LY96: variants seen among roughly 807,000 people sequenced by gnomAD.
The protein encoded by LY96 is myeloid differentiation protein-2.
Under a neutral mutation model 18.9 loss-of-function variants are expected in LY96, and 18 were observed. The ratio of observed to expected loss-of-function variants is 0.95; its 90% CI spans 0.66 to 1.41. The LOEUF is 1.41. Ranked by LOEUF, LY96 falls within the 40% of genes most tolerant of loss-of-function variation. LY96 has a pLI of 0.00. For synonymous variants in LY96, 66 were observed against 62.6 expected, an observed-to-expected ratio of 1.06 and a Z score of -0.26; for missense variants, 175 against 182.4, an observed-to-expected ratio of 0.96 and a Z score of 0.23.
chr8:74,034,224 T>C, the LY96 span, among the ~76,000 whole-genome samples: 1 of 151,974 alleles, frequency 6.6e-6, no homozygotes, highest in Non-Finnish European at 1.5e-5. Flanking sequence ...ATACAAAAAT[T>C]AGCCAGGTGT....
intron 1 of LY96, among the ~76,000 whole-genome samples, chr8:73,996,486 C>T (rs1187725248): frequency 2.7e-5 from 4 of 148,404 alleles, no homozygotes; most frequent in South Asian, 2.2e-4. Context: ...GAGTGCAGCA[C>T]GATCTCAGCT....
At chr8:74,027,850 A>C (rs1306062221) in intron 4 of LY96, among the ~76,000 whole-genome samples, 1 of 152,142 alleles carries the variant, frequency 6.6e-6, no homozygotes, top group Non-Finnish European at 1.5e-5. Context: ...CAGGAACTTT[A>C]CTTAATCTAA....
At chr8:73,993,311 C>T (rs776579649) in intron 1 of LY96, among the ~76,000 whole-genome samples, 3 of 151,864 alleles carry the variant, frequency 2.0e-5, no homozygotes, top group Non-Finnish European at 4.4e-5. Context: ...GGGTTTTGCT[C>T]TGTTGTGCAG....
the LY96 span, among the ~76,000 whole-genome samples, chr8:74,073,132 G>C: frequency 2.0e-5 from 3 of 152,318 alleles, no homozygotes; most frequent in South Asian, 6.2e-4. Flanking sequence ...TGAAATCCGT[G>C]TCACGTCTTG....
the LY96 span, among the ~76,000 whole-genome samples, chr8:74,040,981 T>C: frequency 2.0e-4 from 30 of 152,296 alleles, no homozygotes; most frequent in African/African-American, 6.5e-4. Flanking sequence ...AATTTGAAAC[T>C]ATTATGAATC....
chr8:74,095,260 A>C, the LY96 span, among the ~76,000 whole-genome samples: 1 of 152,186 alleles, frequency 6.6e-6, no homozygotes. Flanking sequence ...ACAGCTGAAG[A>C]GAGAACAAAG....
At chr8:74,081,258 C>G in the LY96 span, among the ~76,000 whole-genome samples, 1 of 137,458 alleles carries the variant, frequency 7.3e-6, no homozygotes, top group African/African-American at 2.7e-5. Flanking sequence ...CCCTTTCTTT[C>G]TCCTTCTTTT....
chr8:74,095,923 C>A, the LY96 span, among the ~76,000 whole-genome samples: 9 of 152,274 alleles, frequency 5.9e-5, no homozygotes, highest in East Asian at 1.7e-3. Context: ...GCATTTCCAC[C>A]TTCACGTGTC....
the LY96 span, among the ~76,000 whole-genome samples, chr8:74,091,021 G>T: frequency 1.3e-5 from 2 of 152,022 alleles, 1 homozygote; most frequent in South Asian, 4.1e-4. Flanking sequence ...GTCTATTTTG[G>T]CTGCTATTTG....
chr8:74,072,965 TAA>T, the LY96 span, among the ~76,000 whole-genome samples: 1 of 152,098 alleles, frequency 6.6e-6, no homozygotes, highest in South Asian at 2.1e-4. Flanking sequence ...AGAAGTGGGT[TAA>T]GTGGTCTCTG....
chr8:74,032,791 C>T (rs548474060), downstream of LY96, among the ~76,000 whole-genome samples: 46 of 152,238 alleles, frequency 3.0e-4, no homozygotes, highest in African/African-American at 1.0e-3. Flanking sequence ...TGATGCAGGA[C>T]CCACAGCTCA....
At chr8:74,049,524 C>A in the LY96 span, among the ~76,000 whole-genome samples, 1 of 151,978 alleles carries the variant, frequency 6.6e-6, no homozygotes, top group Non-Finnish European at 1.5e-5. Flanking sequence ...GAGGTTGATG[C>A]GGCTGATTTC....
the LY96 span, among the ~76,000 whole-genome samples, chr8:74,078,598 G>A: frequency 6.6e-6 from 1 of 152,130 alleles, no homozygotes; most frequent in African/African-American, 2.4e-5. Context: ...CTGGGTCACT[G>A]GAGTTCAAAG....
At chr8:74,058,018 T>G in the LY96 span, among the ~76,000 whole-genome samples, 1 of 152,140 alleles carries the variant, frequency 6.6e-6, no homozygotes, top group Non-Finnish European at 1.5e-5. Flanking sequence ...CTTCAATACT[T>G]CGTGAGCCTA....
chr8:74,029,793 G>A (rs569998186), downstream of LY96, among the ~76,000 whole-genome samples: 3 of 152,258 alleles, frequency 2.0e-5, no homozygotes, highest in Non-Finnish European at 4.4e-5. Context: ...CCAAGTAGCT[G>A]GGATTACAGG....
At chr8:74,061,418 C>T in the LY96 span, among the ~76,000 whole-genome samples, 3 of 152,200 alleles carry the variant, frequency 2.0e-5, no homozygotes, top group African/African-American at 4.8e-5. Flanking sequence ...TGATCTTTGA[C>T]TTCTCAGTCT....
the LY96 span, among the ~76,000 whole-genome samples, chr8:74,070,844 T>A: frequency 6.6e-5 from 10 of 152,190 alleles, no homozygotes; most frequent in African/African-American, 1.4e-4. Flanking sequence ...ATACATTTTT[T>A]AAAAAATTAA....
chr8:74,030,530 A>T (rs1427186961), downstream of LY96, among the ~76,000 whole-genome samples: 1 of 152,184 alleles, frequency 6.6e-6, no homozygotes, highest in Non-Finnish European at 1.5e-5. Context: ...AAACAAAAGG[A>T]TGGGGTCTTT....
downstream of LY96, among the ~76,000 whole-genome samples, chr8:74,030,012 G>A (rs1304096830): frequency 6.6e-6 from 1 of 152,190 alleles, no homozygotes; most frequent in Non-Finnish European, 1.5e-5. Context: ...CGTGAGAATG[G>A]ACTAATACAG....
Sources: allele counts gnomAD v4.1 joint callset (sites outside exome capture counted in the v4.1 genomes callset), GRCh38; gene constraint gnomAD v4.1.1; transcripts MANE v1.5; gene names NCBI Gene and HGNC (gene_info 2026-07-23, HGNC 2026-07-21).